Variants in DOCK3 observed in about 807,000 individuals in gnomAD.
The protein encoded by DOCK3 is dedicator of cytokinesis protein 3.
A neutral mutation model predicts 265.6 loss-of-function variants in DOCK3; 60 were observed. The observed-to-expected ratio is 0.23, with a 90% CI of 0.18 to 0.28. The LOEUF (loss-of-function observed/expected upper bound fraction) is 0.28. DOCK3 is among the 10% of genes least tolerant of loss of function. DOCK3 has a pLI of 1.00. For synonymous variants in DOCK3, 881 were observed against 938.0 expected, an observed-to-expected ratio of 0.94 and a Z score of 1.11; for missense variants, 1,981 against 2,594.3, an observed-to-expected ratio of 0.76 and a Z score of 5.14.
At chr3:51,046,926 A>G (rs891531101) in intron 5 of DOCK3, among the ~76,000 whole-genome samples, 4 of 152,110 alleles carry the variant, frequency 2.6e-5, no homozygotes, top group African/African-American at 9.7e-5. Context: ...ATTAAACAAC[A>G]CTCTTGAATA....
chr3:51,310,050 T>C (rs1463616753), intron 27 of DOCK3, among the ~76,000 whole-genome samples, 182 bp from the exon 28 acceptor site: 1 of 152,184 alleles, frequency 6.6e-6, no homozygotes, highest in Non-Finnish European at 1.5e-5. Flanking sequence ...CCATCTGGCC[T>C]GTGAGAGTAC....
intron 32 of DOCK3, among the ~76,000 whole-genome samples, chr3:51,323,853 A>G (rs1306635683): frequency 1.3e-5 from 2 of 152,198 alleles, no homozygotes; most frequent in Non-Finnish European, 2.9e-5. Flanking sequence ...ACTGAAGGAG[A>G]TGGAGACACA....
At chr3:50,786,639 G>A in intron 2 of DOCK3, 1 of 593,260 alleles carries the variant, frequency 1.7e-6, no homozygotes, top group East Asian at 3.5e-5. Context: ...ATGATTTAAA[G>A]TTGTCCTTAC....
intron 5 of DOCK3, among the ~76,000 whole-genome samples, chr3:50,991,166 T>G (rs1175824754): frequency 6.6e-6 from 1 of 152,086 alleles, no homozygotes; most frequent in Non-Finnish European, 1.5e-5. Context: ...CACAGACCAG[T>G]GTCATTGTAA....
chr3:51,375,220 A>T (rs2088010305), intron 50 of DOCK3, among the ~76,000 whole-genome samples: 1 of 152,222 alleles, frequency 6.6e-6, no homozygotes, highest in African/African-American at 2.4e-5. Flanking sequence ...GGAGTTTCTT[A>T]GTGGTACCTC....
At chr3:51,135,148 C>G (rs962884269) in intron 9 of DOCK3, among the ~76,000 whole-genome samples, 1 of 152,198 alleles carries the variant, frequency 6.6e-6, no homozygotes, top group Non-Finnish European at 1.5e-5. Flanking sequence ...TCCACAGAGA[C>G]CTCGAATTCA....
intron 5 of DOCK3, among the ~76,000 whole-genome samples, chr3:51,002,100 C>T (rs2078502863): frequency 6.6e-6 from 1 of 152,048 alleles, no homozygotes; most frequent in Admixed American, 6.5e-5. Context: ...CACATATGAC[C>T]ATGCCCTGCT....
At chr3:50,818,307 A>G (rs1386911345) in intron 2 of DOCK3, among the ~76,000 whole-genome samples, 1 of 152,046 alleles carries the variant, frequency 6.6e-6, no homozygotes, top group Non-Finnish European at 1.5e-5. Context: ...TGAATTCCTA[A>G]TATTTTCTGG....
intron 51 of DOCK3, 117 bp downstream of exon 51, chr3:51,375,952 G>A (rs550143480): frequency 2.9e-5 from 31 of 1,050,982 alleles, no homozygotes; most frequent in East Asian, 2.9e-4. Context: ...AGGTCTGTCC[G>A]TCTGTCCAGA....
rs67672341 is a variant in DOCK3, at chr3:50,874,916, C to T, written c.163-15110C>T. ...TGAGTTCATGGGCTTTGCAGGCACA[C>T]GGATGAAGCTGGAAGCCATCATTCT... is the stretch of plus-strand genomic sequence containing the variant. On this transcript the variant is annotated intron_variant, in intron 3 of 52. Transcript: ENST00000266037. Among the ~76,000 whole-genome samples the T allele has an allele frequency of 1.0e-3, 155 of 152,038 alleles. No homozygotes were observed. The Middle Eastern group carries it at 0.014, about 13-fold the overall frequency.
chr3:50,877,355 C>T, intron 3 of DOCK3: 1 of 492,872 alleles, frequency 2.0e-6, no homozygotes, highest in Non-Finnish European at 4.1e-6. Context: ...CAGCATTGTA[C>T]TAGTATCTTC....
At chr3:50,953,150 CTT>C (rs2076637984) in intron 5 of DOCK3, among the ~76,000 whole-genome samples, 1 of 151,954 alleles carries the variant, frequency 6.6e-6, no homozygotes, top group Admixed American at 6.6e-5. Flanking sequence ...AATAAACACT[CTT>C]TTGAAATTAA....
At chr3:50,779,348 A>G (rs1201007329) in intron 2 of DOCK3, among the ~76,000 whole-genome samples, 1 of 152,012 alleles carries the variant, frequency 6.6e-6, no homozygotes, top group East Asian at 1.9e-4. Context: ...CTTTAGTCCT[A>G]ATTAGAACAG....
chr3:50,778,050 C>T (rs867979425), intron 1 of DOCK3, among the ~76,000 whole-genome samples: 1 of 151,990 alleles, frequency 6.6e-6, no homozygotes. Context: ...GTGGGTTTGT[C>T]ATATATAGCT....
intron 1 of DOCK3, among the ~76,000 whole-genome samples, chr3:50,741,781 T>C (rs1052397600): frequency 1.3e-5 from 2 of 151,990 alleles, no homozygotes; most frequent in Non-Finnish European, 2.9e-5. Context: ...GTCCTTTGGG[T>C]ATATACCCAG....
rs782646271 is a variant in DOCK3, at chr3:51,381,142, C to T, written c.5676C>T (p.Gly1892=). Reference sequence around the variant, plus strand: ...CGCTGTCCGGCAGTGCCAGCAGCGGCGTGTCCTCCTTGAGTGAGAGTAACT... The same window carrying T: ...CGCTGTCCGGCAGTGCCAGCAGCGGTGTGTCCTCCTTGAGTGAGAGTAACT... The part of the protein sequence containing the change: ...NSTLSGSASS[G]VSSLSESNFG... Residue 1892 remains glycine, a synonymous_variant, in exon 53 of 53, where the codon GGC becomes GGT. Transcript: ENST00000266037. This position sits in a 1 kb window ranked among gnomAD's most constrained non-coding sequence, Gnocchi z 5.6. 26 of 1,613,948 alleles carry T rather than the reference C, an allele frequency of 1.6e-5. No individual in the cohort carries two copies. The highest frequency in any genetic ancestry group is 2.0e-5 in the Non-Finnish European group (24 of 1,179,880).
chr3:50,881,655 A>T (rs961603182), intron 3 of DOCK3, among the ~76,000 whole-genome samples: 3 of 152,230 alleles, frequency 2.0e-5, no homozygotes, highest in Non-Finnish European at 2.9e-5. Flanking sequence ...GCTCATGGGT[A>T]GGAAGAATCA....
chr3:50,787,226 C>A, intron 2 of DOCK3: 2 of 577,150 alleles, frequency 3.5e-6, no homozygotes, highest in South Asian at 3.6e-5. Context: ...GAGTAATATT[C>A]ATTTGCTTCT....
At chr3:51,072,405 T>A (rs961042614) in intron 6 of DOCK3, among the ~76,000 whole-genome samples, 10 of 152,134 alleles carry the variant, frequency 6.6e-5, no homozygotes, top group African/African-American at 2.4e-4. Flanking sequence ...AACTGTTGTT[T>A]CTAATACAAT....
Sources: gnomAD v4.1 joint callset for allele counts (sites outside exome capture counted in the v4.1 genomes callset) on GRCh38, gnomAD v4.1.1 for gene constraint, Gnocchi (gnomAD v3.1) non-coding constraint, MANE v1.5 for transcripts, NCBI Gene and HGNC (gene_info 2026-07-23, HGNC 2026-07-21) for gene names.